SH3RF3: variants seen among roughly 807,000 people sequenced by gnomAD.
SH3RF3 encodes E3 ubiquitin-protein ligase SH3RF3.
In SH3RF3, 29 loss-of-function variants were observed where a neutral mutation model predicts 66.3. That is an observed-to-expected ratio of 0.44 (90% CI 0.33 to 0.60). The LOEUF is 0.60. Among genes scored for constraint, SH3RF3 ranks in the 20% least tolerant of loss-of-function variants. The probability of loss-of-function intolerance (pLI) is 0.04; values close to 1 mark genes in which losing one functional copy is unlikely to be tolerated. For missense variants in SH3RF3, 1,194 were observed against 1,190.9 expected (o/e 1.00, Z -0.04); for synonymous variants, 583 against 532.0 (o/e 1.10, Z -1.32).
At chr2:109,469,141 C>A (rs145966616) in intron 8 of SH3RF3, among the ~76,000 whole-genome samples, 113 of 152,302 alleles carry the variant, frequency 7.4e-4, no homozygotes, top group African/African-American at 2.7e-3. Context: ...CTTCTCCACC[C>A]CAAGAATGCG....
intron 6 of SH3RF3, among the ~76,000 whole-genome samples, chr2:109,435,633 A>G (rs1677378198): frequency 6.6e-6 from 1 of 152,226 alleles, no homozygotes. Flanking sequence ...TATCTCTGCC[A>G]TCCTGCCATG....
At chr2:109,223,556 A>G (rs10203364) in intron 1 of SH3RF3, among the ~76,000 whole-genome samples, 24,764 of 151,854 alleles carry the variant, frequency 0.16, 4,002 homozygotes, top group African/African-American at 0.41. Flanking sequence ...GTGTGGGCAC[A>G]TGCTTCAGCT....
chr2:109,243,663 G>C (rs1679841563), intron 1 of SH3RF3, among the ~76,000 whole-genome samples: 1 of 152,112 alleles, frequency 6.6e-6, no homozygotes, highest in African/African-American at 2.4e-5. Flanking sequence ...TGGTGAGAAG[G>C]GGCCAGGGAG....
intron 4 of SH3RF3, among the ~76,000 whole-genome samples, chr2:109,400,410 A>G (rs1676275135): frequency 6.6e-6 from 1 of 152,118 alleles, no homozygotes; most frequent in South Asian, 2.1e-4. Flanking sequence ...ATATACACAT[A>G]TACACCTGTG....
At chr2:109,217,672 CG>C (rs1252914169) in intron 1 of SH3RF3, among the ~76,000 whole-genome samples, 1 of 152,224 alleles carries the variant, frequency 6.6e-6, no homozygotes, top group Admixed American at 6.5e-5. Flanking sequence ...GCTCTCTCAC[CG>C]GCTAGAAGAC....
chr2:109,134,488 A>G (rs556318497), intron 1 of SH3RF3, among the ~76,000 whole-genome samples: 2 of 152,268 alleles, frequency 1.3e-5, no homozygotes, highest in African/African-American at 4.8e-5. Context: ...AATCTAAATT[A>G]TTATTTATTG....
At chr2:109,431,455 C>G (rs968404280) in intron 5 of SH3RF3, among the ~76,000 whole-genome samples, 13 of 152,340 alleles carry the variant, frequency 8.5e-5, no homozygotes, top group African/African-American at 2.4e-4. Context: ...ATTATCCAAT[C>G]TTTACAAGGA....
At chr2:109,410,431 G>A (rs1676558523) in intron 4 of SH3RF3, among the ~76,000 whole-genome samples, 1 of 152,232 alleles carries the variant, frequency 6.6e-6, no homozygotes, top group Admixed American at 6.5e-5. Context: ...GCAGCTCCGT[G>A]CACCCAGGGG....
At chr2:109,163,716 T>C (rs1677550225) in intron 1 of SH3RF3, among the ~76,000 whole-genome samples, 1 of 152,148 alleles carries the variant, frequency 6.6e-6, no homozygotes, top group East Asian at 1.9e-4. Flanking sequence ...TTCTTAAGCT[T>C]GGAGACTTCA....
chr2:109,440,823 C>T (rs1310708953), intron 7 of SH3RF3, among the ~76,000 whole-genome samples: 1 of 152,128 alleles, frequency 6.6e-6, no homozygotes, highest in Non-Finnish European at 1.5e-5. Flanking sequence ...GGTGACAACT[C>T]ATCTGCATAT....
At chr2:109,321,596 A>G (rs191630904) in intron 1 of SH3RF3, among the ~76,000 whole-genome samples, 85 of 152,384 alleles carry the variant, frequency 5.6e-4, no homozygotes, top group African/African-American at 1.9e-3. Flanking sequence ...CAATCAATAG[A>G]GGATTACATT....
chr2:109,213,117 C>T (rs1679028828), intron 1 of SH3RF3, among the ~76,000 whole-genome samples: 1 of 152,288 alleles, frequency 6.6e-6, no homozygotes, highest in East Asian at 1.9e-4. Context: ...TTTGGGTGCT[C>T]TGGGCTGCAA....
rs1398611049 is a variant in SH3RF3 at position 109,129,958 on chromosome 2, A to G, written c.418A>G (p.Ile140Val). ...SPGGSPPARP[I>V]PGQSAAPTLA... is the part of the protein sequence containing the mutation. ...CGGCGGCAGCCCGCCCGCGCGTCCC[A>G]TCCCAGGCCAGAGTGCGGCCCCCAC... Residue 140 changes from isoleucine to valine, a missense_variant, in exon 1 of 10, where the codon ATC becomes GTC. Physicochemically the swap from Ile to Val is conservative, Grantham distance 29 (BLOSUM62 3). Transcript: ENST00000309415. 18 of 1,424,252 alleles carry G rather than the reference A, an allele frequency of 1.3e-5. No homozygotes were observed. The Admixed American group carries it at 4.1e-4, about 32-fold the overall frequency. The allele number at this position is 1,424,252 out of a possible 1,614,324, so 88.2% of individuals were successfully genotyped here.
At chr2:109,380,198 C>T (rs1320281228) in intron 3 of SH3RF3, among the ~76,000 whole-genome samples, 1 of 152,126 alleles carries the variant, frequency 6.6e-6, no homozygotes, top group African/African-American at 2.4e-5. Flanking sequence ...TGCCTAGGTA[C>T]CGGCTCGCCC....
At chr2:109,372,882 G>A (rs554287616) in intron 3 of SH3RF3, among the ~76,000 whole-genome samples, 2 of 152,350 alleles carry the variant, frequency 1.3e-5, no homozygotes, top group African/African-American at 4.8e-5. Context: ...ACAGTGTGCA[G>A]ATACTTAAAG....
intron 1 of SH3RF3, among the ~76,000 whole-genome samples, chr2:109,232,033 T>C (rs959689563): frequency 1.2e-4 from 18 of 152,234 alleles, no homozygotes; most frequent in African/African-American, 3.6e-4. Flanking sequence ...ATCCGTTCAT[T>C]AGATGATGGA....
intron 2 of SH3RF3, among the ~76,000 whole-genome samples, chr2:109,349,990 C>T (rs1002869437): frequency 2.0e-5 from 3 of 152,216 alleles, no homozygotes; most frequent in African/African-American, 4.8e-5. Context: ...GAGTCAGGTG[C>T]GGGAGACAGG....
chr2:109,319,844 A>T (rs1248560833), intron 1 of SH3RF3, among the ~76,000 whole-genome samples: 1 of 152,178 alleles, frequency 6.6e-6, no homozygotes, highest in Non-Finnish European at 1.5e-5. Context: ...TAGAGGAAAG[A>T]GAGCCAGTAG....
intron 8 of SH3RF3, among the ~76,000 whole-genome samples, chr2:109,483,315 TAA>T (rs1439741755): frequency 1.3e-5 from 2 of 152,340 alleles, no homozygotes; most frequent in Admixed American, 6.5e-5. Context: ...TCTGAATATC[TAA>T]AGTTTCCTGC....
Sources: allele counts gnomAD v4.1 joint callset (sites outside exome capture counted in the v4.1 genomes callset), GRCh38; gene constraint gnomAD v4.1.1; transcripts MANE v1.5; gene names NCBI Gene and HGNC (gene_info 2026-07-23, HGNC 2026-07-21).